Variants in STXBP5L observed in about 807,000 individuals in gnomAD.
STXBP5L encodes the protein syntaxin binding protein 5L.
In STXBP5L, 65 loss-of-function variants were observed where a neutral mutation model predicts 144.5. That is an observed-to-expected ratio of 0.45 (90% CI 0.37 to 0.55). STXBP5L has a LOEUF of 0.55. Ranked by LOEUF, STXBP5L falls within the 20% of genes least tolerant of loss-of-function variation. STXBP5L has a pLI of 0.00. For synonymous variants in STXBP5L, 505 were observed against 469.6 expected, an observed-to-expected ratio of 1.08 and a Z score of -0.97; for missense variants, 1,298 against 1,405.5, an observed-to-expected ratio of 0.92 and a Z score of 1.22.
At chr3:121,306,002 A>G (rs2043324662) in intron 19 of STXBP5L, among the ~76,000 whole-genome samples, 1 of 152,164 alleles carries the variant, frequency 6.6e-6, no homozygotes, top group Non-Finnish European at 1.5e-5. Flanking sequence ...TTGAAAATGA[A>G]CTTTAAAAAA....
At chr3:121,157,817 A>T in intron 9 of STXBP5L, 190 bp downstream of exon 9, 1 of 674,862 alleles carries the variant, frequency 1.5e-6, no homozygotes, top group Non-Finnish European at 2.2e-6. Flanking sequence ...CCTTCTTCCT[A>T]CCAACCCACA....
intron 3 of STXBP5L, among the ~76,000 whole-genome samples, chr3:120,989,313 A>T (rs1576586805): frequency 1.3e-5 from 2 of 152,108 alleles, no homozygotes; most frequent in African/African-American, 4.8e-5. Flanking sequence ...ATTGACTTTT[A>T]AATAATAGCC....
intron 2 of STXBP5L, among the ~76,000 whole-genome samples, chr3:120,952,729 A>G (rs915317285): frequency 6.6e-6 from 1 of 152,112 alleles, no homozygotes; most frequent in Non-Finnish European, 1.5e-5. Context: ...TGATCATGCA[A>G]CTATATAAAG....
intron 9 of STXBP5L, chr3:121,158,734 C>A (rs1026785921): frequency 4.6e-5 from 7 of 152,152 alleles, no homozygotes; most frequent in African/African-American, 1.7e-4. Context: ...CCCCAGCTAA[C>A]CCCCAATACT....
intron 11 of STXBP5L, among the ~76,000 whole-genome samples, chr3:121,227,731 A>G (rs2049165652): frequency 6.6e-6 from 1 of 152,196 alleles, no homozygotes; most frequent in Non-Finnish European, 1.5e-5. Flanking sequence ...TGACAAGGCA[A>G]TTTAGATATT....
intron 20 of STXBP5L, among the ~76,000 whole-genome samples, chr3:121,335,234 G>GT (rs2044464885): frequency 6.6e-6 from 1 of 151,954 alleles, no homozygotes; most frequent in South Asian, 2.1e-4. Flanking sequence ...AAAATACCTA[G>GT]TAATACAGCT....
At chr3:121,206,103 AAGAC>A in intron 10 of STXBP5L, 102 bp downstream of exon 10, 1 of 586,998 alleles carries the variant, frequency 1.7e-6, no homozygotes, top group Non-Finnish European at 2.9e-6. Context: ...CAAAATTGTA[AAGAC>A]AACTGAATCC....
At position 121,055,456 on chromosome 3, in the gene STXBP5L, C is replaced by T. The variant is rs563565966; in HGVS notation, c.470+9921C>T. On this transcript the variant is annotated intron_variant, in intron 5 of 26. Coordinates refer to ENST00000471454, the MANE Select transcript of STXBP5L (RefSeq NM_001308330.2). ...TCTTTAGTCTTACAATTTTTGAAGG[C>T]AGAATCCAGCCTTAGATTGTTAAGT... 7.2e-5 allele frequency among the ~76,000 whole-genome samples: 11 copies of T among 152,172 alleles called. No individual in the cohort carries two copies. The South Asian group carries it at 1.7e-3, about 23-fold the overall frequency.
intron 2 of STXBP5L, among the ~76,000 whole-genome samples, chr3:120,948,628 C>T (rs974528069): frequency 6.6e-6 from 1 of 151,930 alleles, no homozygotes; most frequent in African/African-American, 2.4e-5. Flanking sequence ...TAGGTTAGCT[C>T]TTACTTATAT....
chr3:120,924,192 C>T (rs536632585), intron 2 of STXBP5L, among the ~76,000 whole-genome samples: 1 of 152,220 alleles, frequency 6.6e-6, no homozygotes, highest in South Asian at 2.1e-4. Context: ...CTTCATTTCA[C>T]CACACAATCC....
At chr3:121,009,343 A>G (rs1559994855) in intron 3 of STXBP5L, among the ~76,000 whole-genome samples, 1 of 151,964 alleles carries the variant, frequency 6.6e-6, no homozygotes, top group Admixed American at 6.6e-5. Flanking sequence ...TTTATTTTCT[A>G]GACTCCTGAC....
intron 2 of STXBP5L, among the ~76,000 whole-genome samples, chr3:120,951,444 A>C (rs576193817): frequency 6.6e-6 from 1 of 152,098 alleles, no homozygotes; most frequent in East Asian, 1.9e-4. Flanking sequence ...CAATGAACTC[A>C]AACAAATTTA....
At chr3:120,975,486 C>A (rs1267614143) in intron 3 of STXBP5L, among the ~76,000 whole-genome samples, 1 of 152,296 alleles carries the variant, frequency 6.6e-6, no homozygotes, top group Middle Eastern at 3.4e-3. Flanking sequence ...ATGTCATCTG[C>A]AAACAGAGAC....
chr3:121,312,518 G>A (rs1328927264), intron 19 of STXBP5L, among the ~76,000 whole-genome samples: 1 of 127,184 alleles, frequency 7.9e-6, no homozygotes, highest in African/African-American at 3.0e-5. Context: ...GGGGGATTTG[G>A]CAGGGTCATA....
chr3:120,952,045 T>C lies in STXBP5L; in HGVS notation c.190-2895T>C, dbSNP rs1424778159. ...CTGGAAATCATCATTCTCAGTAAAC[T>C]ATCGCAAGAACAAAAAACCAAACAC... On this transcript the variant is annotated intron_variant, in intron 2 of 26. Coordinates refer to ENST00000471454, the MANE Select transcript of STXBP5L (RefSeq NM_001308330.2). Among the ~76,000 whole-genome samples, 5 of 151,002 alleles carry C rather than the reference T, an allele frequency of 3.3e-5. No homozygotes were observed. In the South Asian group the frequency reaches 6.3e-4, roughly 19 times the overall value.
Position 120,909,706 on chromosome 3 carries a change from C to T in STXBP5L, c.128C>T (p.Ala43Val), listed in dbSNP as rs531920379. 48 of 1,611,456 alleles carry T rather than the reference C, an allele frequency of 3.0e-5. No individual in the cohort carries two copies. In the South Asian group the frequency reaches 4.6e-4, roughly 16 times the overall value. ...GGTTCCGTACATCCGGCGGGGACTG[C>T]AGGGGTTCTCAGAGAGGAAATTCAG... The part of the protein sequence containing the change: ...GSGSVHPAGT[A>V]GVLREEIQET... Residue 43 changes from alanine (A) to valine (V), a missense_variant, in exon 2 of 27, where the codon GCA (alanine) becomes GTA (valine). Coordinates refer to ENST00000471454, the MANE Select transcript of STXBP5L (RefSeq NM_001308330.2).
At chr3:120,988,413 C>G (rs1942510816) in intron 3 of STXBP5L, among the ~76,000 whole-genome samples, 1 of 151,772 alleles carries the variant, frequency 6.6e-6, no homozygotes, top group Non-Finnish European at 1.5e-5. Flanking sequence ...AAACCTTCTT[C>G]TTGTTTTGTT....
chr3:121,148,980 T>TACCTG (rs1337783527), intron 7 of STXBP5L, among the ~76,000 whole-genome samples: 1 of 152,122 alleles, frequency 6.6e-6, no homozygotes, highest in Non-Finnish European at 1.5e-5. Context: ...TATTGTATAA[T>TACCTG]TCTACCTGTC....
intron 3 of STXBP5L, among the ~76,000 whole-genome samples, chr3:120,986,972 G>T (rs1019100765): frequency 6.6e-6 from 1 of 151,922 alleles, no homozygotes; most frequent in African/African-American, 2.4e-5. Context: ...ACCAACATGT[G>T]TATAGTGGGA....
Sources: allele counts gnomAD v4.1 joint callset (sites outside exome capture counted in the v4.1 genomes callset), GRCh38; gene constraint gnomAD v4.1.1; transcripts MANE v1.5; gene names NCBI Gene and HGNC (gene_info 2026-07-23, HGNC 2026-07-21).